The following CBFA2T2 variants were observed in gnomAD, a reference collection of about 807,000 sequenced individuals.
CBFA2T2 encodes the protein CBFA2/RUNX1 partner transcriptional co-repressor 2.
A neutral mutation model predicts 62.2 loss-of-function variants in CBFA2T2; 11 were observed. That is an observed-to-expected ratio of 0.18 (90% CI 0.11 to 0.29). CBFA2T2 has a LOEUF of 0.29. Among genes scored for constraint, CBFA2T2 ranks in the 10% least tolerant of loss-of-function variants. The pLI is 1.00. For missense variants in CBFA2T2, 592 were observed against 774.1 expected (o/e 0.76, Z 2.79); for synonymous variants, 295 against 287.5 (o/e 1.03, Z -0.27).
At chr20:33,621,446 G>A (rs569311190) in intron 4 of CBFA2T2, among the ~76,000 whole-genome samples, 11 of 151,536 alleles carry the variant, frequency 7.3e-5, no homozygotes, top group African/African-American at 2.4e-4. Context: ...ACAGGCACGC[G>A]CCACCACACC....
intron 3 of CBFA2T2, among the ~76,000 whole-genome samples, chr20:33,617,098 C>T (rs538779806): frequency 2.0e-5 from 3 of 152,214 alleles, no homozygotes; most frequent in African/African-American, 4.8e-5. Flanking sequence ...TGGCCAGGCA[C>T]GGTGGCTCAC....
intron 1 of CBFA2T2, among the ~76,000 whole-genome samples, chr20:33,596,365 G>A (rs1335905302): frequency 6.6e-6 from 1 of 152,104 alleles, no homozygotes; most frequent in Non-Finnish European, 1.5e-5. Flanking sequence ...ATGAAAGCAG[G>A]TTTTCAAATA....
At chr20:33,602,187 T>C (rs937586386) in intron 1 of CBFA2T2, among the ~76,000 whole-genome samples, 16 of 152,082 alleles carry the variant, frequency 1.1e-4, no homozygotes, top group African/African-American at 3.9e-4. Flanking sequence ...CATTGTTATG[T>C]CCATTATGGT....
At chr20:33,511,726 A>G (rs1398039752) in intron 1 of CBFA2T2, among the ~76,000 whole-genome samples, 1 of 152,214 alleles carries the variant, frequency 6.6e-6, no homozygotes, top group Non-Finnish European at 1.5e-5. Context: ...ATGTAGATCA[A>G]GAAATAAAGC....
intron 4 of CBFA2T2, among the ~76,000 whole-genome samples, chr20:33,622,688 G>A (rs1458366606): frequency 5.3e-5 from 8 of 152,206 alleles, no homozygotes; most frequent in Non-Finnish European, 1.0e-4. Flanking sequence ...AGAGCTGGAA[G>A]GAAGGTTGAG....
intron 8 of CBFA2T2, among the ~76,000 whole-genome samples, chr20:33,635,159 T>G (rs949864939): frequency 6.6e-6 from 1 of 152,192 alleles, no homozygotes; most frequent in African/African-American, 2.4e-5. Flanking sequence ...ATAGACTTAG[T>G]CGTTTAGCAT....
intron 1 of CBFA2T2, among the ~76,000 whole-genome samples, chr20:33,559,677 G>A (rs193009586): frequency 9.9e-5 from 15 of 152,126 alleles, no homozygotes; most frequent in East Asian, 3.9e-4. Context: ...TAGTAGAGGC[G>A]GGGTTTCACC....
chr20:33,634,780 C>T (rs532113435), intron 8 of CBFA2T2, among the ~76,000 whole-genome samples: 1 of 151,476 alleles, frequency 6.6e-6, no homozygotes, highest in African/African-American at 2.4e-5. Flanking sequence ...AGCAGATGGA[C>T]CTCATTCAGT....
At chr20:33,584,066 G>A (rs989219158) in intron 1 of CBFA2T2, among the ~76,000 whole-genome samples, 6 of 151,970 alleles carry the variant, frequency 3.9e-5, no homozygotes, top group Non-Finnish European at 7.4e-5. Context: ...TCCTTCCTCA[G>A]CCTCCTGAGT....
chr20:33,562,779 T>C, intron 1 of CBFA2T2: 1 of 621,622 alleles, frequency 1.6e-6, no homozygotes, highest in Non-Finnish European at 2.0e-6. Context: ...TTTCTTGGTA[T>C]TTGATACAAG....
At chr20:33,509,421 G>T (rs762233009) in intron 1 of CBFA2T2, among the ~76,000 whole-genome samples, 1 of 151,928 alleles carries the variant, frequency 6.6e-6, no homozygotes, top group Non-Finnish European at 1.5e-5. Flanking sequence ...CAAGATTAAG[G>T]GGGAAAACAA....
intron 9 of CBFA2T2, chr20:33,639,735 T>G (rs1449903458): frequency 6.6e-6 from 1 of 151,678 alleles, no homozygotes; most frequent in Non-Finnish European, 1.5e-5. Flanking sequence ...ACAAAAAAAT[T>G]TAAAAATTAG....
At chr20:33,503,329 A>G (rs2011331391) in intron 1 of CBFA2T2, among the ~76,000 whole-genome samples, 1 of 134,934 alleles carries the variant, frequency 7.4e-6, no homozygotes, top group African/African-American at 2.8e-5. Flanking sequence ...ATCTCAGCTC[A>G]CTGCAACCTC....
At chr20:33,536,936 C>G (rs112434085) in intron 1 of CBFA2T2, among the ~76,000 whole-genome samples, 1 of 147,772 alleles carries the variant, frequency 6.8e-6, no homozygotes, top group Non-Finnish European at 1.5e-5. Context: ...GGATGGCGGC[C>G]GGGCAGAGAC....
intron 1 of CBFA2T2, among the ~76,000 whole-genome samples, chr20:33,504,168 T>C (rs1394692924): frequency 2.0e-5 from 3 of 152,174 alleles, no homozygotes; most frequent in African/African-American, 7.2e-5. Context: ...CTTACCATAA[T>C]GCTTTTGAGA....
intron 1 of CBFA2T2, among the ~76,000 whole-genome samples, chr20:33,494,890 G>A (rs1334824028): frequency 3.3e-5 from 5 of 152,042 alleles, no homozygotes; most frequent in Admixed American, 6.6e-5. Context: ...GAGCCACCAC[G>A]CCTGTCCTAG....
intron 1 of CBFA2T2, among the ~76,000 whole-genome samples, chr20:33,533,712 G>A (rs2012123759): frequency 6.6e-6 from 1 of 151,954 alleles, no homozygotes; most frequent in African/African-American, 2.4e-5. Context: ...GGTGGCTCAT[G>A]CCTGTAATCC....
chr20:33,545,010 T>TAGAATAGAACAGAACAGAAC (rs1428313497), intron 1 of CBFA2T2, among the ~76,000 whole-genome samples: 1 of 113,944 alleles, frequency 8.8e-6, no homozygotes, highest in African/African-American at 3.3e-5. Context: ...TAGAATAGAA[T>TAGAATAGAACAGAACAGAAC]AGAACAGAAC....
intron 1 of CBFA2T2, among the ~76,000 whole-genome samples, chr20:33,566,907 A>G (rs759704120): frequency 2.6e-5 from 4 of 152,202 alleles, no homozygotes; most frequent in Non-Finnish European, 1.5e-5. Flanking sequence ...TGAGATACTT[A>G]CCTTTATGCA....
Sources: gnomAD v4.1 joint callset for allele counts (sites outside exome capture counted in the v4.1 genomes callset) on GRCh38, gnomAD v4.1.1 for gene constraint, MANE v1.5 for transcripts, NCBI Gene and HGNC (gene_info 2026-07-23, HGNC 2026-07-21) for gene names.